Variants in SLC25A28 observed in about 807,000 individuals in gnomAD.
The protein encoded by SLC25A28 is solute carrier family 25 member 28.
In SLC25A28, 10 loss-of-function variants were observed where a neutral mutation model predicts 31.9. The observed-to-expected ratio is 0.31, with a 90% CI of 0.19 to 0.53. The LOEUF is 0.53. SLC25A28 is among the 20% of genes least tolerant of loss of function. SLC25A28 has a pLI of 0.95. For missense variants in SLC25A28, 256 were observed against 490.3 expected (o/e 0.52, Z 4.51); for synonymous variants, 208 against 203.6 (o/e 1.02, Z -0.19).
chr10:99,646,896 C>G, the SLC25A28 span, among the ~76,000 whole-genome samples: 3 of 152,204 alleles, frequency 2.0e-5, no homozygotes, highest in African/African-American at 7.2e-5. Context: ...CTTTGTTTAG[C>G]TCCCACTTAT....
chr10:99,612,487 C>T (rs763933717), intron 3 of SLC25A28, 56 bp downstream of exon 3: 7 of 1,588,450 alleles, frequency 4.4e-6, no homozygotes, highest in Non-Finnish European at 6.0e-6. Flanking sequence ...CTTCTGCAAA[C>T]TGTAAAGAAA....
At chr10:99,612,906 A>C (rs1296077959) in intron 2 of SLC25A28, among the ~76,000 whole-genome samples, 2 of 152,196 alleles carry the variant, frequency 1.3e-5, no homozygotes, top group East Asian at 1.9e-4. Context: ...AAGCAGATAC[A>C]CTGCTGCCTA....
the SLC25A28 span, among the ~76,000 whole-genome samples, chr10:99,658,338 CATTT>C: frequency 6.6e-6 from 1 of 152,110 alleles, no homozygotes; most frequent in Non-Finnish European, 1.5e-5. Context: ...CCCATTCATT[CATTT>C]GCTTATTAAT....
rs757120394 is a variant in SLC25A28, at chr10:99,613,637, C to G, written c.520+59G>C. ...CCATGCTGAGACTGGAAAGCACTGACAGCAGCAAAGCCCAAAGAGTTGGGA... is the reference window on the plus strand; with the variant it reads ...CCATGCTGAGACTGGAAAGCACTGAGAGCAGCAAAGCCCAAAGAGTTGGGA... On this transcript the variant is annotated intron_variant, in intron 2 of 3. Transcript: ENST00000370495. This position sits in a 1 kb window ranked among gnomAD's most constrained non-coding sequence, Gnocchi z 4.9. The G allele has an allele frequency of 1.6e-5, 26 of 1,611,690 alleles. No individual in the cohort carries two copies. The East Asian group carries it at 4.5e-4, about 28-fold the overall frequency.
the SLC25A28 span, among the ~76,000 whole-genome samples, chr10:99,626,782 GT>G: frequency 0.8 from 119,353 of 149,606 alleles, 47,520 homozygotes; most frequent in Middle Eastern, 0.9. Flanking sequence ...GTGGAGCAGT[GT>G]TTTTTTTTTT....
intron 1 of SLC25A28, among the ~76,000 whole-genome samples, chr10:99,614,611 T>TA (rs1215715253): frequency 6.6e-6 from 1 of 152,182 alleles, no homozygotes; most frequent in East Asian, 1.9e-4. Context: ...CATTAGCAAA[T>TA]AAAATCAGTC....
the SLC25A28 span, among the ~76,000 whole-genome samples, chr10:99,644,980 C>T: frequency 1.9e-4 from 29 of 152,288 alleles, no homozygotes; most frequent in African/African-American, 6.7e-4. Flanking sequence ...TCTGGCTGCC[C>T]TTAACATTTT....
chr10:99,610,576 A>AT lies in SLC25A28; in HGVS notation c.*272dup. The AT allele has an allele frequency of 2.2e-6, 1 of 459,610 alleles. No homozygotes were observed. Among genetic ancestry groups the AT allele is most frequent in the East Asian group, 3.7e-5 (1 of 27,056 alleles). The allele number at this position is 459,610 out of a possible 1,614,324, so 28.5% of individuals were successfully genotyped here. On this transcript the variant is annotated 3_prime_UTR_variant, in exon 4 of 4. Transcript: ENST00000370495. ...AGGGGAATGAGCTGCTTATCCCTCTATAACAGTCTAGAGCAGGTCATCAGG... is the reference window on the plus strand; with the variant it reads ...AGGGGAATGAGCTGCTTATCCCTCTATTAACAGTCTAGAGCAGGTCATCAGG...
chr10:99,616,285 G>T, intron 1 of SLC25A28: 2 of 864,188 alleles, frequency 2.3e-6, no homozygotes, highest in Non-Finnish European at 2.8e-6. Flanking sequence ...TGTGATCTTG[G>T]GTATGTCACT....
chr10:99,617,330 C>A (rs1380880750), intron 1 of SLC25A28: 2 of 985,344 alleles, frequency 2.0e-6, no homozygotes, highest in Non-Finnish European at 2.4e-6. Flanking sequence ...ACTGACTTCT[C>A]ATGGTCCCTC....
the SLC25A28 span, among the ~76,000 whole-genome samples, chr10:99,632,769 C>T: frequency 6.6e-6 from 1 of 152,126 alleles, no homozygotes; most frequent in Admixed American, 6.5e-5. Flanking sequence ...AACTACAGCA[C>T]CAAATTTTGG....
At position 99,610,770 on chromosome 10, in the gene SLC25A28, TG is replaced by T; in HGVS notation, c.*78del. 1.3e-6 allele frequency: 2 copies of T among 1,525,156 alleles called. No homozygotes were observed. The highest frequency in any genetic ancestry group is 1.8e-6 in the Non-Finnish European group (2 of 1,126,864). 94.5% of individuals were successfully genotyped at this position (1,525,156 alleles called of 1,614,324 possible). A position where few individuals can be genotyped will look rare whatever the true frequency, so the allele number is the denominator to read the frequency against. On this transcript the variant is annotated 3_prime_UTR_variant, in exon 4 of 4. Coordinates refer to ENST00000370495, the MANE Select transcript of SLC25A28 (RefSeq NM_031212.4). ...ACCTTCCTTCTAACTCCACTTGAGG[TG>T]GGAGCATTCCAGGAGACAGAGAATG...
At chr10:99,614,754 C>T (rs1195559999) in intron 1 of SLC25A28, among the ~76,000 whole-genome samples, 1 of 152,172 alleles carries the variant, frequency 6.6e-6, no homozygotes, top group South Asian at 2.1e-4. Context: ...ATTCAAAACA[C>T]CTCCCTAAAT....
chr10:99,617,020 C>T (rs1324138222), intron 1 of SLC25A28: 2 of 984,832 alleles, frequency 2.0e-6, no homozygotes, highest in Non-Finnish European at 2.4e-6. Flanking sequence ...GTATAGATAC[C>T]ATTTACATCT....
the SLC25A28 span, among the ~76,000 whole-genome samples, chr10:99,645,123 C>G: frequency 6.6e-6 from 1 of 152,142 alleles, no homozygotes; most frequent in South Asian, 2.1e-4. Context: ...TGGGGAAGTT[C>G]TCCTGGATAA....
chr10:99,645,723 GT>G, the SLC25A28 span, among the ~76,000 whole-genome samples: 1 of 152,120 alleles, frequency 6.6e-6, no homozygotes, highest in Non-Finnish European at 1.5e-5. Context: ...TGATGGTGAC[GT>G]ACAGATGGGG....
At chr10:99,655,637 CT>C in the SLC25A28 span, among the ~76,000 whole-genome samples, 14 of 152,210 alleles carry the variant, frequency 9.2e-5, no homozygotes, top group African/African-American at 3.4e-4. Flanking sequence ...GAATGTATCT[CT>C]TTTTAAGATG....
the SLC25A28 span, among the ~76,000 whole-genome samples, chr10:99,650,364 G>C: frequency 6.6e-6 from 1 of 152,080 alleles, no homozygotes; most frequent in Non-Finnish European, 1.5e-5. Flanking sequence ...ATTTTCTGTA[G>C]AAATTGGGTC....
At chr10:99,633,804 T>C in the SLC25A28 span, among the ~76,000 whole-genome samples, 2 of 152,058 alleles carry the variant, frequency 1.3e-5, no homozygotes, top group African/African-American at 2.4e-5. Flanking sequence ...CCACAGCTGA[T>C]GCTCTCTGGA....
Sources: allele counts gnomAD v4.1 joint callset (sites outside exome capture counted in the v4.1 genomes callset), GRCh38; gene constraint gnomAD v4.1.1; non-coding constraint Gnocchi (gnomAD v3.1); transcripts MANE v1.5; gene names NCBI Gene and HGNC (gene_info 2026-07-23, HGNC 2026-07-21).